Variants in INPP4A observed in about 807,000 individuals in gnomAD.
INPP4A encodes the protein inositol polyphosphate-4-phosphatase type I A.
A neutral mutation model predicts 119.8 loss-of-function variants in INPP4A; 33 were observed. That is an observed-to-expected ratio of 0.28 (90% CI 0.21 to 0.37). The LOEUF is 0.37. Among genes scored for constraint, INPP4A ranks in the 10% least tolerant of loss-of-function variants. The pLI is 1.00. For missense variants in INPP4A, 956 were observed against 1,289.9 expected, an observed-to-expected ratio of 0.74 and a Z score of 3.97; for synonymous variants, 496 against 500.7, an observed-to-expected ratio of 0.99 and a Z score of 0.12.
Position 98,569,764 on chromosome 2 carries a change from T to G in INPP4A, c.2518+1096T>G, listed in dbSNP as rs1008988901. On this transcript the variant is annotated intron_variant, in intron 22 of 24. Transcript: ENST00000409851. This position sits in a 1 kb window ranked among gnomAD's most constrained non-coding sequence, Gnocchi z 5.1. ...GCTAGGAGAGAGTGATGCAGAACAC[T>G]CCGGGGCTGGGCCAAGAAGTCGTGG... is the stretch of plus-strand genomic sequence containing the variant. The G allele has an allele frequency of 6.6e-6, 1 of 152,062 alleles. No homozygotes were observed. Among genetic ancestry groups the G allele is most frequent in the Non-Finnish European group, 1.5e-5 (1 of 68,076 alleles). The allele number at this position is 152,062 out of a possible 1,614,324, so 9.4% of individuals were successfully genotyped here.
chr2:98,561,988 T>C (rs913090980), intron 17 of INPP4A, among the ~76,000 whole-genome samples: 4 of 152,222 alleles, frequency 2.6e-5, no homozygotes, highest in Non-Finnish European at 5.9e-5. Context: ...GGACATTATC[T>C]AGTGCCTCTC....
At chr2:98,447,547 ATTT>A (rs138850052) in intron 1 of INPP4A, among the ~76,000 whole-genome samples, 4 of 147,982 alleles carry the variant, frequency 2.7e-5, no homozygotes, top group Non-Finnish European at 6.0e-5. Context: ...TTATTCTCTA[ATTT>A]TTTTTTTTTA....
intron 1 of INPP4A, among the ~76,000 whole-genome samples, chr2:98,514,940 C>G (rs893751244): frequency 1.3e-5 from 2 of 151,234 alleles, no homozygotes; most frequent in Non-Finnish European, 3.0e-5. Context: ...AAAAAAAGTA[C>G]AAAACCCCAA....
chr2:98,487,834 C>G (rs903802838), intron 1 of INPP4A, among the ~76,000 whole-genome samples: 1 of 152,188 alleles, frequency 6.6e-6, no homozygotes, highest in African/African-American at 2.4e-5. Context: ...GAGTGTAAAA[C>G]TATTCTTAGA....
At position 98,546,112 on chromosome 2, in the gene INPP4A, C is replaced by T. The variant is rs781185232; in HGVS notation, c.1054+39C>T. The T allele has an allele frequency of 4.3e-6, 6 of 1,389,774 alleles. No individual in the cohort carries two copies. Among genetic ancestry groups the T allele is most frequent in the African/African-American group, 2.9e-5 (2 of 69,872 alleles). The allele number at this position is 1,389,774 out of a possible 1,614,324, so 86.1% of individuals were successfully genotyped here. A position where few individuals can be genotyped will look rare whatever the true frequency, so the allele number is the denominator to read the frequency against. On this transcript the variant is annotated intron_variant, in intron 12 of 24. Transcript: ENST00000409851. The surrounding 1 kb of genome is among the most constrained non-coding windows in gnomAD (Gnocchi z 4.2). ...TGCTCCCTCTTGTTGAATCACATTT[C>T]GCTGCTTTTCTCTGTGGGTACTTGG...
At chr2:98,516,667 A>G (rs1258651979) in intron 1 of INPP4A, among the ~76,000 whole-genome samples, 1 of 152,142 alleles carries the variant, frequency 6.6e-6, no homozygotes, top group Non-Finnish European at 1.5e-5. Flanking sequence ...CACTGGGAAA[A>G]GGTTCAAAAG....
intron 1 of INPP4A, among the ~76,000 whole-genome samples, chr2:98,445,333 G>A (rs990610655): frequency 1.3e-5 from 2 of 152,144 alleles, no homozygotes; most frequent in African/African-American, 4.8e-5. Context: ...AGGGAGCCGG[G>A]TGCCGAGCGG....
chr2:98,541,423 A>G (rs1170107821), intron 10 of INPP4A, among the ~76,000 whole-genome samples: 4 of 152,070 alleles, frequency 2.6e-5, no homozygotes, highest in South Asian at 2.1e-4. Flanking sequence ...TGCTTTCTCT[A>G]TATATGCACA....
At chr2:98,498,146 G>A (rs974677549) in intron 1 of INPP4A, among the ~76,000 whole-genome samples, 1 of 152,132 alleles carries the variant, frequency 6.6e-6, no homozygotes, top group South Asian at 2.1e-4. Context: ...GGGGTGGAAT[G>A]ATATGGTTTG....
At chr2:98,483,941 C>T (rs1184106403) in intron 1 of INPP4A, among the ~76,000 whole-genome samples, 1 of 152,220 alleles carries the variant, frequency 6.6e-6, no homozygotes, top group Admixed American at 6.5e-5. Context: ...CCCCATCCCT[C>T]CTTGCAGATG....
rs372486077 is a variant in INPP4A, at chr2:98,577,165, C to T, written c.2786+22C>T. 4,197 of 1,568,018 alleles carry T rather than the reference C, an allele frequency of 2.7e-3. 13 individuals are homozygous for T. Among genetic ancestry groups the T allele is most frequent in the Admixed American group, 5.3e-3 (284 of 54,006 alleles). On this transcript the variant is annotated intron_variant, in intron 24 of 24. Coordinates refer to ENST00000409851, the MANE Select transcript of INPP4A (RefSeq NM_001134225.2). ...GCAGGTGAGTGCCGCAGCCAGGCCG[C>T]GCGCCCCGCCTGCCCCGGCCCGTGT...
At chr2:98,474,610 T>C (rs1676827247) in intron 1 of INPP4A, among the ~76,000 whole-genome samples, 1 of 152,164 alleles carries the variant, frequency 6.6e-6, no homozygotes, top group African/African-American at 2.4e-5. Context: ...GCCCTAGCCC[T>C]GGGCCTTTGT....
chr2:98,445,684 G>A (rs551179634), intron 1 of INPP4A, among the ~76,000 whole-genome samples: 2 of 152,330 alleles, frequency 1.3e-5, no homozygotes, highest in Admixed American at 1.3e-4. Flanking sequence ...GAAGACAGAC[G>A]TTCAAAATGT....
intron 1 of INPP4A, among the ~76,000 whole-genome samples, chr2:98,487,862 C>G (rs1349738221): frequency 6.6e-6 from 1 of 152,212 alleles, no homozygotes; most frequent in Non-Finnish European, 1.5e-5. Flanking sequence ...CAGCTTGTTT[C>G]AGTAGCTATT....
chr2:98,561,906 C>T (rs1695547077), intron 17 of INPP4A, among the ~76,000 whole-genome samples: 1 of 152,168 alleles, frequency 6.6e-6, no homozygotes, highest in South Asian at 2.1e-4. Context: ...ATATAATTGG[C>T]ATACATTCAA....
In INPP4A at chr2:98,565,974, C is replaced by G; in HGVS notation, c.2280-55C>G. The G allele has an allele frequency of 1.9e-6, 3 of 1,566,934 alleles. No individual in the cohort carries two copies. The East Asian group carries it at 7.0e-5, about 37-fold the overall frequency. ...AGAGGGCCAGCCTGGGCACTGCAGC[C>G]TGCTCGGTGGCCCTCTGGCCTCACA... On this transcript the variant is annotated intron_variant, in intron 20 of 24. Coordinates refer to ENST00000409851, the MANE Select transcript of INPP4A (RefSeq NM_001134225.2).
chr2:98,544,040 C>G, intron 11 of INPP4A, 33 bp downstream of exon 11: 1 of 1,530,870 alleles, frequency 6.5e-7, no homozygotes, highest in Non-Finnish European at 8.8e-7. Context: ...ACCACACACG[C>G]GTGCGCACAC....
chr2:98,565,452 T>C (rs1696256859), intron 19 of INPP4A, among the ~76,000 whole-genome samples, 188 bp from the exon 20 acceptor site: 1 of 152,182 alleles, frequency 6.6e-6, no homozygotes, highest in Non-Finnish European at 1.5e-5. Context: ...GGCTGTGGGA[T>C]TTCAGAGGCA....
intron 1 of INPP4A, among the ~76,000 whole-genome samples, chr2:98,485,704 T>G (rs923358090): frequency 6.6e-6 from 1 of 152,194 alleles, no homozygotes; most frequent in African/African-American, 2.4e-5. Flanking sequence ...GATTTTTAAA[T>G]GAGATGTGTG....
Sources: allele counts gnomAD v4.1 joint callset (sites outside exome capture counted in the v4.1 genomes callset), GRCh38; gene constraint gnomAD v4.1.1; non-coding constraint Gnocchi (gnomAD v3.1); transcripts MANE v1.5; gene names NCBI Gene and HGNC (gene_info 2026-07-23, HGNC 2026-07-21).